Variants in PLK1 observed in about 807,000 individuals in gnomAD.
PLK1 encodes polo like kinase 1.
A neutral mutation model predicts 56.7 loss-of-function variants in PLK1; 6 were observed. The ratio of observed to expected loss-of-function variants is 0.11; its 90% confidence interval spans 0.06 to 0.21. The LOEUF is 0.21. Among genes scored for constraint, PLK1 ranks in the 10% least tolerant of loss-of-function variants. The pLI is 1.00. For synonymous variants in PLK1, 298 were observed against 325.0 expected (o/e 0.92, Z 0.89); for missense variants, 546 against 814.4 (o/e 0.67, Z 4.01).
In PLK1 at chr16:23,678,938, T is replaced by C. The variant is rs1407081351; in HGVS notation, c.6T>C (p.Ser2=). ...TGCAGCGCAGCTTCGGGAGCATGAG[T>C]GCTGCAGTGACTGCAGGGAAGCTGG... M[S]AAVTAGKLAR... The change falls in exon 1 of 10, where the codon AGT becomes AGC. Residue 2 remains serine (S), a synonymous_variant. Coordinates refer to ENST00000300093, the MANE Select transcript of PLK1 (RefSeq NM_005030.6). 6.5e-7 allele frequency: 1 copy of C among 1,549,272 alleles called. No individual in the cohort carries two copies.
At position 23,682,055 on chromosome 16, in the gene PLK1, T is replaced by G. The variant is rs765236132; in HGVS notation, c.723-9T>G. 2 of 1,496,334 alleles carry G rather than the reference T, an allele frequency of 1.3e-6. No individual in the cohort carries two copies. The allele number at this position is 1,496,334 out of a possible 1,614,324, so 92.7% of individuals were successfully genotyped here. On this transcript the variant is annotated splice_polypyrimidine_tract_variant and intron_variant, in intron 3 of 9. Coordinates refer to ENST00000300093, the MANE Select transcript of PLK1 (RefSeq NM_005030.6). ...GAGACTGGTGCCAAATCCTACCTTG[T>G]GCTTACAGGTATACCTTGTTAGTGG...
rs1031796646 is a variant in PLK1, at chr16:23,682,985, C to CTTTTT, written c.816+847_816+851dup. Among the ~76,000 whole-genome samples, 212 of 91,450 alleles carry CTTTTT rather than the reference C, an allele frequency of 2.3e-3. 1 individual carries two copies. Among genetic ancestry groups the CTTTTT allele is most frequent in the East Asian group, 2.7e-3 (7 of 2,638 alleles). The allele number at this position is 91,450 out of a possible 152,430, so 60.0% of individuals were successfully genotyped here. On this transcript the variant is annotated intron_variant, in intron 4 of 9. Coordinates refer to ENST00000300093, the MANE Select transcript of PLK1 (RefSeq NM_005030.6). ...CTAATGGCATAGTTGTGTGCATTTT[C>CTTTTT]TTTTTTTTTTTTTTTTTTTTTTTGA...
chr16:23,683,319 A>T (rs1157545395), intron 4 of PLK1, among the ~76,000 whole-genome samples: 1 of 152,144 alleles, frequency 6.6e-6, no homozygotes, highest in African/African-American at 2.4e-5. Context: ...AACCACCAAC[A>T]GAAATACATT....
At chr16:23,684,951 C>A (rs1299830386) in intron 5 of PLK1, among the ~76,000 whole-genome samples, 3 of 133,238 alleles carry the variant, frequency 2.3e-5, no homozygotes, top group Admixed American at 8.0e-5. Flanking sequence ...AACCACCAGG[C>A]CCGGCCTTTT....
At chr16:23,682,972 T>A (rs1419763118) in intron 4 of PLK1, among the ~76,000 whole-genome samples, 2 of 150,750 alleles carry the variant, frequency 1.3e-5, no homozygotes, top group Non-Finnish European at 3.0e-5. Flanking sequence ...AATGGCATAG[T>A]TGTGTGCATT....
rs1348487983 is a variant in PLK1 at position 23,689,793 on chromosome 16, C to G, written c.1609-67C>G. The G allele has an allele frequency of 1.3e-6, 2 of 1,531,918 alleles. No homozygotes were observed. The highest frequency in any genetic ancestry group is 2.7e-5 in the African/African-American group (2 of 73,382). The allele number at this position is 1,531,918 out of a possible 1,614,324, so 94.9% of individuals were successfully genotyped here. On this transcript the variant is annotated intron_variant, in intron 9 of 9. Coordinates refer to ENST00000300093, the MANE Select transcript of PLK1 (RefSeq NM_005030.6). The surrounding 1 kb of genome is among the most constrained non-coding windows in gnomAD (Gnocchi z 4.8). ...CTCAGGTACCTATAACCTGTTGTGT[C>G]TTCCCTCTACTCCCTAACATACACT...
In PLK1 at chr16:23,689,811, C is replaced by T; in HGVS notation, c.1609-49C>T. 6.4e-7 allele frequency: 1 copy of T among 1,564,896 alleles called. No homozygotes were observed. Among genetic ancestry groups the T allele is most frequent in the Non-Finnish European group, 8.8e-7 (1 of 1,137,280 alleles). ...GTTGTGTCTTCCCTCTACTCCCTAA[C>T]ATACACTGGCCTCTGGGATCGCCAA... is the stretch of plus-strand genomic sequence containing the variant. On this transcript the variant is annotated intron_variant, in intron 9 of 9. Transcript: ENST00000300093. The surrounding 1 kb of genome is among the most constrained non-coding windows in gnomAD (Gnocchi z 4.8).
At chr16:23,684,980 TTTTTTTTTTTTTTTTTTTTG>T (rs1959403615) in intron 5 of PLK1, among the ~76,000 whole-genome samples, 1 of 126,304 alleles carries the variant, frequency 7.9e-6, no homozygotes, top group Non-Finnish European at 1.7e-5. Context: ...TTTTTTTTTT[TTTTTTTTTTTTTTTTTTTTG>T]AGACAGGGTC....
intron 5 of PLK1, among the ~76,000 whole-genome samples, chr16:23,684,608 A>G (rs1423545758): frequency 1.3e-5 from 2 of 152,074 alleles, no homozygotes; most frequent in East Asian, 3.9e-4. Context: ...TTTCACCTCC[A>G]CCAAAGTGTT....
In PLK1 at chr16:23,682,053, T is replaced by G; in HGVS notation, c.723-11T>G. On this transcript the variant is annotated splice_polypyrimidine_tract_variant and intron_variant, in intron 3 of 9. Coordinates refer to ENST00000300093, the MANE Select transcript of PLK1 (RefSeq NM_005030.6). ...GGGAGACTGGTGCCAAATCCTACCT[T>G]GTGCTTACAGGTATACCTTGTTAGT... The G allele has an allele frequency of 6.7e-7, 1 of 1,485,896 alleles. No individual in the cohort carries two copies. The highest frequency in any genetic ancestry group is 9.4e-7 in the Non-Finnish European group (1 of 1,063,730). The allele number at this position is 1,485,896 out of a possible 1,614,324, so 92.0% of individuals were successfully genotyped here.
In PLK1 at chr16:23,690,074, C is replaced by T. The variant is rs1396740266; in HGVS notation, c.*11C>T. The stretch of plus-strand genomic sequence containing the variant: ...CTCAAGGCCTCCTAATAGCTGCCCT[C>T]CCCTCCGGACTGGTGCCCTCCTCAC... On this transcript the variant is annotated 3_prime_UTR_variant, in exon 10 of 10. Coordinates refer to ENST00000300093, the MANE Select transcript of PLK1 (RefSeq NM_005030.6). 2 of 1,596,976 alleles carry T rather than the reference C, an allele frequency of 1.3e-6. No homozygotes were observed. The highest frequency in any genetic ancestry group is 1.7e-6 in the Non-Finnish European group (2 of 1,172,330).
intron 5 of PLK1, 29 bp from the exon 6 acceptor site, chr16:23,687,440 C>A: frequency 6.6e-7 from 1 of 1,523,254 alleles, no homozygotes; most frequent in Non-Finnish European, 8.9e-7. Context: ...GTGCCCTTCC[C>A]AACGCCCCTG....
chr16:23,680,997 G>T lies in PLK1; in HGVS notation c.661G>T (p.Glu221Ter). The change falls in exon 3 of 10, where the codon GAG (glutamate) becomes TAG (stop). Residue 221 changes from glutamate (E) to a stop codon, truncating the protein, a stop_gained. Coordinates refer to ENST00000300093, the MANE Select transcript of PLK1 (RefSeq NM_005030.6). LOFTEE classifies it high-confidence loss of function. ...TGGGACTCCTAATTACATAGCTCCC[G>T]AGGTGCTGAGCAAGAAAGGGCACAG... is the stretch of plus-strand genomic sequence containing the variant. ...LCGTPNYIAP[E>*]VLSKKGHSFE... The T allele has an allele frequency of 4.3e-6, 7 of 1,613,050 alleles. No homozygotes were observed. Among genetic ancestry groups the T allele is most frequent in the Non-Finnish European group, 4.2e-6 (5 of 1,179,594 alleles).
chr16:23,687,527 G>A lies in PLK1; in HGVS notation c.1095G>A (p.Glu365=), dbSNP rs1329383762. The part of the protein sequence containing the change: ...PREKEEPVVR[E]TGEVVDCHLS... ...AAAAAGAAGAACCAGTGGTTCGAGA[G>A]ACAGGTGAGGTGGTCGACTGCCACC... The change falls in exon 6 of 10, where the codon GAG becomes GAA. Residue 365 remains glutamate, a synonymous_variant. Transcript: ENST00000300093. 2 of 1,602,684 alleles carry A rather than the reference G, an allele frequency of 1.2e-6. No homozygotes were observed. Among genetic ancestry groups the A allele is most frequent in the Non-Finnish European group, 1.7e-6 (2 of 1,173,466 alleles).
chr16:23,681,605 T>TA (rs1959332314), intron 3 of PLK1, among the ~76,000 whole-genome samples: 4 of 152,298 alleles, frequency 2.6e-5, no homozygotes, highest in South Asian at 4.1e-4. Context: ...ATCTTTCTTG[T>TA]TTTGGGCCTA....
Position 23,682,048 on chromosome 16 carries a change from T to C in PLK1, c.723-16T>C, listed in dbSNP as rs1478314488. On this transcript the variant is annotated splice_polypyrimidine_tract_variant and intron_variant, in intron 3 of 9. Transcript: ENST00000300093. Reference sequence around the variant, plus strand: ...TGGCTGGGAGACTGGTGCCAAATCCTACCTTGTGCTTACAGGTATACCTTG... The same window carrying C: ...TGGCTGGGAGACTGGTGCCAAATCCCACCTTGTGCTTACAGGTATACCTTG... 4.8e-6 allele frequency: 7 copies of C among 1,448,308 alleles called. No individual in the cohort carries two copies. The highest frequency in any genetic ancestry group is 6.8e-6 in the Non-Finnish European group (7 of 1,029,876). The allele number at this position is 1,448,308 out of a possible 1,614,324, so 89.7% of individuals were successfully genotyped here. A position where few individuals can be genotyped will look rare whatever the true frequency, so the allele number is the denominator to read the frequency against.
intron 5 of PLK1, chr16:23,686,973 C>T (rs1484878145): frequency 6.6e-6 from 1 of 152,170 alleles, no homozygotes; most frequent in African/African-American, 2.4e-5. Flanking sequence ...GTTTCTACTG[C>T]CCAGATATAA....
At chr16:23,681,865 G>C (rs1959335880) in intron 3 of PLK1, among the ~76,000 whole-genome samples, 199 bp from the exon 4 acceptor site, 1 of 152,220 alleles carries the variant, frequency 6.6e-6, no homozygotes, top group Non-Finnish European at 1.5e-5. Context: ...CTCACCATGT[G>C]TATTCTGCTG....
chr16:23,680,804 G>C, intron 2 of PLK1, 110 bp from the exon 3 acceptor site: 1 of 1,035,288 alleles, frequency 9.7e-7, no homozygotes, highest in Non-Finnish European at 1.4e-6. Flanking sequence ...GCAGAGGCTT[G>C]TGGGATCAGA....
Sources: gnomAD v4.1 joint callset for allele counts (sites outside exome capture counted in the v4.1 genomes callset) on GRCh38, gnomAD v4.1.1 for gene constraint, Gnocchi (gnomAD v3.1) non-coding constraint, MANE v1.5 for transcripts, NCBI Gene and HGNC (gene_info 2026-07-23, HGNC 2026-07-21) for gene names.